The following AFF1 variants were observed in gnomAD, a reference collection of about 807,000 sequenced individuals.
AFF1 encodes ALF transcription elongation factor 1, also known as AF4/FMR2 family member 1.
A neutral mutation model predicts 121.7 loss-of-function variants in AFF1; 48 were observed. The observed-to-expected ratio is 0.39, with a 90% confidence interval of 0.31 to 0.50. The LOEUF (loss-of-function observed/expected upper bound fraction) is 0.50, where lower values mean the gene tolerates loss of function less well. Ranked by LOEUF, AFF1 falls within the 20% of genes least tolerant of loss-of-function variation. AFF1 has a pLI of 0.76. For missense variants in AFF1, 1,523 were observed against 1,511.7 expected (o/e 1.01, Z -0.12); for synonymous variants, 613 against 563.0 (o/e 1.09, Z -1.26).
intron 1 of AFF1, among the ~76,000 whole-genome samples, chr4:86,942,264 C>T (rs1405756508): frequency 1.3e-5 from 2 of 152,170 alleles, no homozygotes; most frequent in African/African-American, 4.8e-5. Context: ...CGATATTTTA[C>T]CAGCCCACAG....
intron 4 of AFF1, among the ~76,000 whole-genome samples, chr4:87,077,549 A>G (rs528598740): frequency 1.4e-3 from 206 of 152,298 alleles, no homozygotes; most frequent in African/African-American, 4.7e-3. Context: ...AAGGATATAC[A>G]TTGAAAATCT....
intron 2 of AFF1, among the ~76,000 whole-genome samples, chr4:87,000,199 G>A (rs945295224): frequency 1.4e-4 from 21 of 152,164 alleles, no homozygotes; most frequent in African/African-American, 4.8e-4. Context: ...TTTCAAATAT[G>A]TATAGCTATT....
intron 2 of AFF1, among the ~76,000 whole-genome samples, chr4:86,962,892 C>T (rs527486704): frequency 1.3e-5 from 2 of 152,146 alleles, no homozygotes; most frequent in East Asian, 1.9e-4. Context: ...AGGCCAAGCA[C>T]GGTGGCTTAT....
Position 87,031,136 on chromosome 4 carries a change from A to G in AFF1, c.39-15030A>G, listed in dbSNP as rs529134590. Reference sequence around the variant, plus strand: ...CAGACCAGTGGAGTGGGTGGCTGCAAGACGTTATCGTCCCCACAGAGTATC... The same window carrying G: ...CAGACCAGTGGAGTGGGTGGCTGCAGGACGTTATCGTCCCCACAGAGTATC... On this transcript the variant is annotated intron_variant, in intron 2 of 20. Coordinates refer to ENST00000395146, the MANE Select transcript of AFF1 (RefSeq NM_001166693.3). Among the ~76,000 whole-genome samples, 9 of 152,312 alleles carry G rather than the reference A, an allele frequency of 5.9e-5. No homozygotes were observed. The South Asian group carries it at 1.9e-3, about 32-fold the overall frequency.
At chr4:87,081,192 C>A (rs937715461) in intron 4 of AFF1, among the ~76,000 whole-genome samples, 20 of 114,512 alleles carry the variant, frequency 1.7e-4, no homozygotes, top group African/African-American at 7.0e-4. Context: ...GACAGAGTCT[C>A]ACTCGGTCTC....
At chr4:87,097,546 A>G (rs2149729097) in intron 8 of AFF1, among the ~76,000 whole-genome samples, 1 of 152,330 alleles carries the variant, frequency 6.6e-6, no homozygotes, top group South Asian at 2.1e-4. Context: ...TGCTTTATAA[A>G]AACTATTAAT....
At chr4:86,935,654 G>C (rs1428503158) in intron 1 of AFF1, 1 of 152,284 alleles carries the variant, frequency 6.6e-6, no homozygotes, top group Non-Finnish European at 1.5e-5. Flanking sequence ...GGGAAAAGTG[G>C]GGTTCTTCTC....
At chr4:87,099,229 T>C (rs1479864950) in intron 8 of AFF1, among the ~76,000 whole-genome samples, 1 of 152,224 alleles carries the variant, frequency 6.6e-6, no homozygotes, top group Non-Finnish European at 1.5e-5. Flanking sequence ...ATCTGCCCCA[T>C]GTGTAAAGCT....
rs1730229645 is a variant in AFF1 at position 87,042,153 on chromosome 4, C to T, written c.39-4013C>T. Among the ~76,000 whole-genome samples, 2 of 152,046 alleles carry T rather than the reference C, an allele frequency of 1.3e-5. 1 individual carries two copies. The highest frequency in any genetic ancestry group is 4.1e-4 in the South Asian group (2 of 4,822). On this transcript the variant is annotated intron_variant, in intron 2 of 20. Transcript: ENST00000395146. Reference sequence around the variant, plus strand: ...GTTTAAACAGTGATGTGTATAGGCTCAACAAAGGTTTACTCATGGTATGAA... The same window carrying T: ...GTTTAAACAGTGATGTGTATAGGCTTAACAAAGGTTTACTCATGGTATGAA...
Position 86,939,421 on chromosome 4 carries a change from ATTCT to A in AFF1, c.-37+4186_-37+4189del, listed in dbSNP as rs1439530135. 3.3e-5 allele frequency among the ~76,000 whole-genome samples: 5 copies of A among 152,318 alleles called. No homozygotes were observed. In the South Asian group the frequency reaches 6.2e-4, roughly 19 times the overall value. ...AATAGTGTTTCTCCTTGGGTAAGTA[ATTCT>A]TTCTGATCACTATGGGAATAAAAAC... On this transcript the variant is annotated intron_variant, in intron 1 of 20. Coordinates refer to ENST00000395146, the MANE Select transcript of AFF1 (RefSeq NM_001166693.3).
At chr4:87,067,947 GTAT>G (rs1044901500) in intron 4 of AFF1, among the ~76,000 whole-genome samples, 69 of 152,224 alleles carry the variant, frequency 4.5e-4, no homozygotes, top group African/African-American at 1.3e-3. Context: ...TTTATGGGTA[GTAT>G]TCTAGTTCTA....
chr4:86,998,098 C>CAAAAAAAAAAAAAAAAAAAAAAAA (rs56741955), intron 2 of AFF1, among the ~76,000 whole-genome samples: 1 of 91,746 alleles, frequency 1.1e-5, no homozygotes, highest in Non-Finnish European at 2.1e-5. Context: ...AACTCCGTCT[C>CAAAAAAAAAAAAAAAAAAAAAAAA]AAAAAAAAAA....
chr4:87,058,295 A>G (rs1053440706), intron 4 of AFF1, among the ~76,000 whole-genome samples: 2 of 152,148 alleles, frequency 1.3e-5, no homozygotes, highest in African/African-American at 4.8e-5. Flanking sequence ...ACTTTTATTT[A>G]AAGTGTGCTG....
At chr4:86,969,075 T>C (rs1722737067) in intron 2 of AFF1, among the ~76,000 whole-genome samples, 3 of 152,230 alleles carry the variant, frequency 2.0e-5, no homozygotes, top group African/African-American at 7.2e-5. Flanking sequence ...GAGCGCCTCC[T>C]TGTTCCTTCA....
intron 2 of AFF1, among the ~76,000 whole-genome samples, chr4:86,982,848 C>CAAAAAAAAAAAAAAAAAAAAA (rs59568294): frequency 1.9e-5 from 1 of 53,810 alleles, no homozygotes; most frequent in African/African-American, 6.8e-5. Flanking sequence ...ACTCTGTCTC[C>CAAAAAAAAAAAAAAAAAAAAA]AAAAAAAAAA....
chr4:87,003,606 T>C (rs925049039), intron 2 of AFF1, among the ~76,000 whole-genome samples: 8 of 152,240 alleles, frequency 5.3e-5, no homozygotes, highest in Non-Finnish European at 1.0e-4. Flanking sequence ...TCAAAAAGTA[T>C]AATTTTAATA....
intron 7 of AFF1, among the ~76,000 whole-genome samples, chr4:87,092,362 GTAT>G (rs1560616816): frequency 6.6e-6 from 1 of 152,170 alleles, no homozygotes; most frequent in Non-Finnish European, 1.5e-5. Flanking sequence ...ATGCAGTGTG[GTAT>G]TACTGACACA....
chr4:86,937,427 C>T (rs1427690738), intron 1 of AFF1, among the ~76,000 whole-genome samples: 1 of 152,240 alleles, frequency 6.6e-6, no homozygotes, highest in African/African-American at 2.4e-5. Flanking sequence ...GCTGTCTCTT[C>T]TGTTTCCTCT....
chr4:86,961,592 G>C (rs370112095), intron 2 of AFF1, among the ~76,000 whole-genome samples: 2 of 151,656 alleles, frequency 1.3e-5, no homozygotes, highest in East Asian at 1.9e-4. Context: ...GGGAAGGGGG[G>C]GCTGAGTGAT....
Sources: gnomAD v4.1 joint callset for allele counts (sites outside exome capture counted in the v4.1 genomes callset) on GRCh38, gnomAD v4.1.1 for gene constraint, MANE v1.5 for transcripts, NCBI Gene and HGNC (gene_info 2026-07-23, HGNC 2026-07-21) for gene names.